FBN2: variants seen among roughly 807,000 people sequenced by gnomAD.
The protein encoded by FBN2 is fibrillin 2, also known as fibrillin-2.
FBN2 carries 105 observed loss-of-function variants against 355.6 expected under a neutral mutation model. The ratio of observed to expected loss-of-function variants is 0.30; its 90% CI spans 0.25 to 0.35. The LOEUF (loss-of-function observed/expected upper bound fraction) is 0.35, where lower values mean the gene tolerates loss of function less well. Ranked by LOEUF, FBN2 falls within the 10% of genes least tolerant of loss-of-function variation. The probability of loss-of-function intolerance (pLI) is 1.00; values close to 1 mark genes in which losing one functional copy is unlikely to be tolerated. For missense variants in FBN2, 3,280 were observed against 3,758.7 expected (o/e 0.87, Z 3.33); for synonymous variants, 1,350 against 1,301.2 (o/e 1.04, Z -0.81).
rs531933265 is a variant in FBN2 at position 128,447,527 on chromosome 5, C to G, written c.827-921G>C. Among the ~76,000 whole-genome samples the G allele has an allele frequency of 2.0e-5, 3 of 152,304 alleles. No homozygotes were observed. In the South Asian group the frequency reaches 6.2e-4, roughly 32 times the overall value. ...AATAAATTTTGGTCAGACTGGTTGT[C>G]TGCTCTCAAATCCTGTCTCCTGATA... On this transcript the variant is annotated intron_variant, in intron 6 of 64. Coordinates refer to ENST00000262464, the MANE Select transcript of FBN2 (RefSeq NM_001999.4).
At position 128,487,863 on chromosome 5, in the gene FBN2, C is replaced by T. The variant is rs574001602; in HGVS notation, c.629-22942G>A. 9.2e-5 allele frequency among the ~76,000 whole-genome samples: 14 copies of T among 152,214 alleles called. No homozygotes were observed. In the South Asian group the frequency reaches 2.7e-3, roughly 29 times the overall value. Reference sequence around the variant, plus strand: ...CATATAAACTATATATTTCACATTACATCATAACCCCTTATGTCCCTAAAT... The same window carrying T: ...CATATAAACTATATATTTCACATTATATCATAACCCCTTATGTCCCTAAAT... On this transcript the variant is annotated intron_variant, in intron 5 of 64. Transcript: ENST00000262464.
At chr5:128,455,051 C>G (rs559882774) in intron 6 of FBN2, among the ~76,000 whole-genome samples, 125 of 152,014 alleles carry the variant, frequency 8.2e-4, no homozygotes, top group African/African-American at 2.9e-3. Context: ...TTAGGAGCAC[C>G]CTGTTCATTT....
rs467928 is a variant in FBN2, at chr5:128,330,244, G to A, written c.4345+329C>T. Among the ~76,000 whole-genome samples, 32,050 of 152,142 alleles carry A rather than the reference G, an allele frequency of 0.21. 3,451 individuals are homozygous for A. Among genetic ancestry groups the A allele is most frequent in the African/African-American group, 0.24 (9,977 of 41,484 alleles). On this transcript the variant is annotated intron_variant, in intron 33 of 64. Transcript: ENST00000262464. ...CAGTTACAGGCAAAAAATGGCATAG[G>A]CAAGATTTGAATCCAGGTAGTCTGA...
In FBN2 at chr5:128,409,873, T is replaced by C. The variant is rs977521736; in HGVS notation, c.953-1074A>G. On this transcript the variant is annotated intron_variant, in intron 7 of 64. Coordinates refer to ENST00000262464, the MANE Select transcript of FBN2 (RefSeq NM_001999.4). Reference sequence around the variant, plus strand: ...ATTCCTATTATAAACACACAAAATATGTTTAACCCCACGCTTAAAAAGAAA... The same window carrying C: ...ATTCCTATTATAAACACACAAAATACGTTTAACCCCACGCTTAAAAAGAAA... Among the ~76,000 whole-genome samples, 9 of 152,266 alleles carry C rather than the reference T, an allele frequency of 5.9e-5. No homozygotes were observed. In the East Asian group the frequency reaches 1.7e-3, roughly 29 times the overall value.
intron 7 of FBN2, among the ~76,000 whole-genome samples, chr5:128,420,491 ATT>A (rs1210312343): frequency 2.6e-5 from 4 of 152,176 alleles, no homozygotes; most frequent in African/African-American, 9.7e-5. Flanking sequence ...CTGAATTATC[ATT>A]GTTTTACCTT....
chr5:128,280,233 T>C lies in FBN2; in HGVS notation c.7097A>G (p.Asn2366Ser), dbSNP rs1376916689. Residue 2366 changes from asparagine to serine, a missense_variant, in exon 56 of 65, where the codon AAT (asparagine) becomes AGT (serine). This residue lies in a region of FBN2 where 2,284 missense variants were observed against 2,749.5 expected (regional missense o/e 0.83). Transcript: ENST00000262464. The stretch of plus-strand genomic sequence containing the variant: ...TGAAGAACTTGACTGGAATCCTTCA[T>C]TACACTCACATCTATAGCTTCCAAT... ...NIIGSYRCEC[N>S]EGFQSSSSGT... 1 of 1,612,254 alleles carries C rather than the reference T, an allele frequency of 6.2e-7. No individual in the cohort carries two copies. Among genetic ancestry groups the C allele is most frequent in the Non-Finnish European group, 8.5e-7 (1 of 1,178,550 alleles).
At chr5:128,268,083 G>A (rs1177682219) in intron 62 of FBN2, among the ~76,000 whole-genome samples, 1 of 152,074 alleles carries the variant, frequency 6.6e-6, no homozygotes, top group Admixed American at 6.5e-5. Context: ...AAAAATCAAT[G>A]AATCCAGGAG....
At chr5:128,488,428 T>G (rs1297256061) in intron 5 of FBN2, among the ~76,000 whole-genome samples, 1 of 152,172 alleles carries the variant, frequency 6.6e-6, no homozygotes, top group Non-Finnish European at 1.5e-5. Context: ...AATTTCAAGT[T>G]CTACCTTTTA....
chr5:128,372,438 A>C (rs1270701761), intron 15 of FBN2, among the ~76,000 whole-genome samples: 2 of 152,226 alleles, frequency 1.3e-5, no homozygotes, highest in Non-Finnish European at 1.5e-5. Flanking sequence ...AACAAAAAAT[A>C]GATCTAAAAT....
intron 8 of FBN2, among the ~76,000 whole-genome samples, chr5:128,398,553 A>G (rs1181838352): frequency 1.3e-5 from 2 of 152,142 alleles, no homozygotes; most frequent in African/African-American, 4.8e-5. Context: ...TGTATTGCAC[A>G]TGGATAAAGA....
chr5:128,276,211 G>C, intron 58 of FBN2, 51 bp from the exon 59 acceptor site: 1 of 1,579,880 alleles, frequency 6.3e-7, no homozygotes, highest in Non-Finnish European at 8.7e-7. Flanking sequence ...GAAACAACCA[G>C]ACTCTTTCCT....
intron 61 of FBN2, 60 bp from the exon 62 acceptor site, chr5:128,272,178 A>G (rs1765284111): frequency 5.6e-6 from 9 of 1,599,546 alleles, no homozygotes; most frequent in Non-Finnish European, 7.7e-6. Flanking sequence ...TTTTAAATGC[A>G]CTCCAAACGA....
At position 128,259,781 on chromosome 5, in the gene FBN2, T is replaced by C. The variant is rs776610785; in HGVS notation, c.8413A>G (p.Met2805Val). 15 of 1,613,662 alleles carry C rather than the reference T, an allele frequency of 9.3e-6. No individual in the cohort carries two copies. In the Admixed American group the frequency reaches 2.2e-4, roughly 23 times the overall value. ...ESVDMDSPVN[M>V]KFNLSHLGSK... ...CCGAGGTGGGAGAGGTTGAACTTCA[T>C]GTTGACGGGGCTGTCCATGTCGACA... The change falls in exon 65 of 65, where the codon ATG (methionine) becomes GTG (valine). Residue 2805 changes from methionine to valine, a missense_variant. Coordinates refer to ENST00000262464, the MANE Select transcript of FBN2 (RefSeq NM_001999.4).
intron 11 of FBN2, among the ~76,000 whole-genome samples, chr5:128,381,156 T>C (rs1156689515): frequency 1.3e-5 from 2 of 152,134 alleles, no homozygotes; most frequent in Non-Finnish European, 2.9e-5. Flanking sequence ...ATAGAGTGAC[T>C]TGAATTAAAA....
At chr5:128,350,309 C>T (rs1258693843) in intron 21 of FBN2, among the ~76,000 whole-genome samples, 1 of 152,178 alleles carries the variant, frequency 6.6e-6, no homozygotes, top group African/African-American at 2.4e-5. Context: ...CCTGTAATCC[C>T]AGCACTTTGG....
chr5:128,369,173 T>C lies in FBN2; in HGVS notation c.2248+9A>G. 1 of 1,614,050 alleles carries C rather than the reference T, an allele frequency of 6.2e-7. No homozygotes were observed. The highest frequency in any genetic ancestry group is 1.7e-4 in the Middle Eastern group (1 of 6,058). On this transcript the variant is annotated intron_variant, in intron 16 of 64. Coordinates refer to ENST00000262464, the MANE Select transcript of FBN2 (RefSeq NM_001999.4). ...CTTTATCAACTGTGAAAATGGCACA[T>C]GTGACTACCTGAATTTTTTGCAGGG...
intron 1 of FBN2, 55 bp from the exon 2 acceptor site, chr5:128,536,539 A>C (rs556908402): frequency 7.7e-7 from 1 of 1,296,580 alleles, no homozygotes; most frequent in African/African-American, 1.5e-5. Context: ...GCAGCAACAT[A>C]TAAACGGTCT....
Position 128,366,372 on chromosome 5 carries a change from GT to G in FBN2, c.2302+4del. On this transcript the variant is annotated splice_donor_region_variant and intron_variant, in intron 17 of 64. Coordinates refer to ENST00000262464, the MANE Select transcript of FBN2 (RefSeq NM_001999.4). ...TATTATAAAGTTGAGATTAACTAGA[GT>G]TACCTCTTCCATCCACAGTGATACC... The G allele has an allele frequency of 6.4e-7, 1 of 1,560,924 alleles. No individual in the cohort carries two copies. The highest frequency in any genetic ancestry group is 1.4e-5 in the African/African-American group (1 of 73,978).
At chr5:128,336,151 T>C in intron 27 of FBN2, 38 bp from the exon 28 acceptor site, 1 of 1,605,980 alleles carries the variant, frequency 6.2e-7, no homozygotes, top group African/African-American at 1.3e-5. Flanking sequence ...TTACACAATG[T>C]CCACTCACTA....
Sources: allele counts gnomAD v4.1 joint callset (sites outside exome capture counted in the v4.1 genomes callset), GRCh38; gene constraint gnomAD v4.1.1; regional missense constraint gnomAD v4.1.1; transcripts MANE v1.5; gene names NCBI Gene and HGNC (gene_info 2026-07-23, HGNC 2026-07-21).